Variants in UNC5A observed in about 807,000 individuals in gnomAD.
The protein encoded by UNC5A is netrin receptor UNC5A.
In UNC5A, 20 loss-of-function variants were observed where a neutral mutation model predicts 87.4. The ratio of observed to expected loss-of-function variants is 0.23; its 90% CI spans 0.16 to 0.33. The LOEUF (loss-of-function observed/expected upper bound fraction) is 0.33. Ranked by LOEUF, UNC5A falls within the 10% of genes least tolerant of loss-of-function variation. The probability of loss-of-function intolerance (pLI) is 1.00; values close to 1 mark genes in which losing one functional copy is unlikely to be tolerated. For missense variants in UNC5A, 844 were observed against 1,133.4 expected (o/e 0.74, Z 3.67); for synonymous variants, 438 against 482.3 (o/e 0.91, Z 1.20).
In UNC5A at chr5:176,875,950, C is replaced by T. The variant is rs543243244; in HGVS notation, c.1379-1242C>T. On this transcript the variant is annotated intron_variant, in intron 8 of 14. Coordinates refer to ENST00000329542, the MANE Select transcript of UNC5A (RefSeq NM_133369.3). The surrounding 1 kb of genome is among the most constrained non-coding windows in gnomAD (Gnocchi z 5.2). The stretch of plus-strand genomic sequence containing the variant: ...GGGCTGTTGGGATGACGAGGTGAGA[C>T]GGCATCTGTCAGCTCTTACAGAGAC... Among the ~76,000 whole-genome samples, 9 of 152,368 alleles carry T rather than the reference C, an allele frequency of 5.9e-5. No individual in the cohort carries two copies. Among genetic ancestry groups the T allele is most frequent in the African/African-American group, 1.9e-4 (8 of 41,596 alleles).
intron 1 of UNC5A, among the ~76,000 whole-genome samples, chr5:176,859,757 A>G (rs1263944516): frequency 3.0e-5 from 2 of 67,448 alleles, no homozygotes; most frequent in East Asian, 4.2e-4. Context: ...TAGAGGGCAT[A>G]GCTGCTAGAA....
intron 1 of UNC5A, among the ~76,000 whole-genome samples, chr5:176,858,737 A>AGGAC (rs1757730589): frequency 2.0e-5 from 2 of 98,860 alleles, no homozygotes; most frequent in Non-Finnish European, 4.5e-5. Flanking sequence ...GAAGGAAGGA[A>AGGAC]GGAAGGAAGG....
chr5:176,834,184 A>G (rs925696074), intron 1 of UNC5A, among the ~76,000 whole-genome samples: 7 of 152,166 alleles, frequency 4.6e-5, no homozygotes, highest in Non-Finnish European at 7.4e-5. Flanking sequence ...CAGTGAACCA[A>G]TGAAGAAATT....
chr5:176,832,996 A>G (rs953134011), intron 1 of UNC5A, among the ~76,000 whole-genome samples: 2 of 152,176 alleles, frequency 1.3e-5, no homozygotes, highest in Admixed American at 6.5e-5. Context: ...TAAATCCTCC[A>G]TTCCCTCCCC....
rs1757283836 is a variant in UNC5A at position 176,841,913 on chromosome 5, C to T, written c.71-20711C>T. ...GCAAGAATGGCCATAATCAAAAAAT[C>T]AAGGCCGGGTGCGGTGGCTCACGCC... On this transcript the variant is annotated intron_variant, in intron 1 of 14. Coordinates refer to ENST00000329542, the MANE Select transcript of UNC5A (RefSeq NM_133369.3). This position sits in a 1 kb window ranked among gnomAD's most constrained non-coding sequence, Gnocchi z 4.1. 6.6e-6 allele frequency among the ~76,000 whole-genome samples: 1 copy of T among 152,202 alleles called. No homozygotes were observed. Among genetic ancestry groups the T allele is most frequent in the African/African-American group, 2.4e-5 (1 of 41,446 alleles).
At chr5:176,811,470 G>A (rs1756452560) in intron 1 of UNC5A, among the ~76,000 whole-genome samples, 1 of 152,228 alleles carries the variant, frequency 6.6e-6, no homozygotes. Flanking sequence ...GGTGCGGGGG[G>A]CCAGAGTTGT....
chr5:176,856,094 C>A (rs1345847615), intron 1 of UNC5A, among the ~76,000 whole-genome samples: 2 of 152,200 alleles, frequency 1.3e-5, no homozygotes, highest in African/African-American at 4.8e-5. Context: ...CCTACCCCTC[C>A]CCTGCCCCCA....
chr5:176,826,636 C>CTTTTT (rs34466725), intron 1 of UNC5A, among the ~76,000 whole-genome samples: 1 of 72,744 alleles, frequency 1.4e-5, no homozygotes, highest in African/African-American at 4.5e-5. Flanking sequence ...AGTTTCCAAA[C>CTTTTT]TTTTTTTTTT....
chr5:176,822,226 G>T (rs981979164), intron 1 of UNC5A, among the ~76,000 whole-genome samples: 1 of 152,238 alleles, frequency 6.6e-6, no homozygotes, highest in Non-Finnish European at 1.5e-5. Context: ...TGTGGCCCGC[G>T]GGGCGGGGGA....
intron 1 of UNC5A, among the ~76,000 whole-genome samples, chr5:176,829,730 A>G (rs2113603238): frequency 6.6e-6 from 1 of 152,188 alleles, no homozygotes; most frequent in South Asian, 2.1e-4. Context: ...CATATTGGGC[A>G]TCCTATCATC....
rs199623939 is a variant in UNC5A, at chr5:176,831,875, T to TTC, written c.70+21065_70+21066dup. ...CTAAGCACTTTCACTTTCACACACT[T>TTC]TCTCTCTCTCTTTTTTTTTTTTTTT... On this transcript the variant is annotated intron_variant, in intron 1 of 14. Transcript: ENST00000329542. 4.1e-3 allele frequency among the ~76,000 whole-genome samples: 182 copies of TTC among 44,118 alleles called. 2 individuals are homozygous for TTC. The highest frequency in any genetic ancestry group is 6.2e-3 in the African/African-American group (178 of 28,706). The allele number at this position is 44,118 out of a possible 152,430, so 28.9% of individuals were successfully genotyped here.
intron 1 of UNC5A, among the ~76,000 whole-genome samples, chr5:176,853,790 C>A (rs1757602123): frequency 6.6e-6 from 1 of 152,170 alleles, no homozygotes; most frequent in African/African-American, 2.4e-5. Context: ...GGGCTCAGAC[C>A]TGTCCCTGCC....
intron 1 of UNC5A, among the ~76,000 whole-genome samples, chr5:176,827,794 G>A (rs925665464): frequency 1.3e-5 from 2 of 152,142 alleles, no homozygotes; most frequent in African/African-American, 4.8e-5. Flanking sequence ...GTTTCTCCAT[G>A]TCCTGATTCT....
chr5:176,873,875 G>A (rs1197992862), intron 6 of UNC5A, 93 bp from the exon 7 acceptor site: 3 of 1,394,928 alleles, frequency 2.2e-6, no homozygotes, highest in Non-Finnish European at 2.9e-6. Context: ...GCCCCGGGGT[G>A]CAGACCTCAT....
chr5:176,873,634 G>GCAGGCAGCAGGTTCAACCTAGCAGC (rs1475654570), intron 6 of UNC5A, among the ~76,000 whole-genome samples: 2 of 152,180 alleles, frequency 1.3e-5, no homozygotes, highest in African/African-American at 4.8e-5. Context: ...TCCCAGAAGA[G>GCAGGCAGCAGGTTCAACCTAGCAGC]CAGGCAGCAG....
chr5:176,820,099 A>G (rs548124189), intron 1 of UNC5A, among the ~76,000 whole-genome samples: 1 of 150,616 alleles, frequency 6.6e-6, no homozygotes, highest in South Asian at 2.1e-4. Flanking sequence ...CGTCTCTACT[A>G]AAAATACAAA....
At chr5:176,858,749 AGG>A (rs1365940691) in intron 1 of UNC5A, among the ~76,000 whole-genome samples, 13 of 123,832 alleles carry the variant, frequency 1.0e-4, no homozygotes, top group African/African-American at 4.1e-4. Context: ...GAAGGAAGGA[AGG>A]AAGGAAGGAA....
chr5:176,811,701 C>T (rs1006926555), intron 1 of UNC5A, among the ~76,000 whole-genome samples: 3 of 152,124 alleles, frequency 2.0e-5, no homozygotes, highest in African/African-American at 7.2e-5. Context: ...ATCTCTGCCC[C>T]CCATGCACTT....
intron 1 of UNC5A, among the ~76,000 whole-genome samples, chr5:176,825,240 C>A (rs966160465): frequency 6.6e-6 from 1 of 152,142 alleles, no homozygotes; most frequent in African/African-American, 2.4e-5. Flanking sequence ...TAGGGAATGG[C>A]CATGGCTGGG....
Sources: gnomAD v4.1 joint callset for allele counts (sites outside exome capture counted in the v4.1 genomes callset) on GRCh38, gnomAD v4.1.1 for gene constraint, Gnocchi (gnomAD v3.1) non-coding constraint, MANE v1.5 for transcripts, NCBI Gene and HGNC (gene_info 2026-07-23, HGNC 2026-07-21) for gene names.